EMSY: variants seen among roughly 807,000 people sequenced by gnomAD.
EMSY encodes the protein BRCA2-interacting transcriptional repressor EMSY.
In EMSY, 26 loss-of-function variants were observed where a neutral mutation model predicts 134.6. The ratio of observed to expected loss-of-function variants is 0.19; its 90% confidence interval spans 0.14 to 0.27. EMSY has a LOEUF of 0.27. EMSY is among the 10% of genes least tolerant of loss of function. EMSY has a pLI of 1.00. For missense variants in EMSY, 1,305 were observed against 1,611.4 expected (o/e 0.81, Z 3.26); for synonymous variants, 579 against 577.8 (o/e 1.00, Z -0.03).
In EMSY at chr11:76,531,421, A is replaced by G. The variant is rs969334322; in HGVS notation, c.2194+2955A>G. Among the ~76,000 whole-genome samples the G allele has an allele frequency of 3.3e-5, 5 of 152,244 alleles. No individual in the cohort carries two copies. The East Asian group carries it at 9.7e-4, about 29-fold the overall frequency. On this transcript the variant is annotated intron_variant, in intron 14 of 20. Coordinates refer to ENST00000334736, the Ensembl canonical transcript of EMSY. Reference sequence around the variant, plus strand: ...TTTCTTTGTATTTCATGACTTTGATATTTGAAGAGTGTAGGTCAGTTACTT... The same window carrying G: ...TTTCTTTGTATTTCATGACTTTGATGTTTGAAGAGTGTAGGTCAGTTACTT...
At chr11:76,507,865 C>CTTTTTTTTTTTTTTTTTTTTTTTTTTT (rs55756987) in intron 9 of EMSY, among the ~76,000 whole-genome samples, 1 of 118,630 alleles carries the variant, frequency 8.4e-6, no homozygotes, top group Non-Finnish European at 1.9e-5. Context: ...TTTTCTTTTT[C>CTTTTTTTTTTTTTTTTTTTTTTTTTTT]TTTTTTTTTT....
chr11:76,474,775 A>C (rs925753994), intron 8 of EMSY, among the ~76,000 whole-genome samples: 4 of 152,110 alleles, frequency 2.6e-5, no homozygotes, highest in African/African-American at 9.7e-5. Context: ...AGAAATATAT[A>C]TTTTTTGAGA....
chr11:76,475,270 G>A (rs1948732018), intron 8 of EMSY, among the ~76,000 whole-genome samples: 1 of 152,088 alleles, frequency 6.6e-6, no homozygotes, highest in African/African-American at 2.4e-5. Context: ...ACAGTTTGCT[G>A]GTTTTACTGT....
chr11:76,490,006 TCA>T (rs1207035514), intron 8 of EMSY, among the ~76,000 whole-genome samples: 2 of 152,218 alleles, frequency 1.3e-5, no homozygotes, highest in Non-Finnish European at 2.9e-5. Flanking sequence ...GTCTTTTCTC[TCA>T]GTCTGATAAT....
intron 8 of EMSY, among the ~76,000 whole-genome samples, chr11:76,495,530 C>A (rs2135790142): frequency 6.6e-6 from 1 of 152,240 alleles, no homozygotes; most frequent in South Asian, 2.1e-4. Context: ...TACTCCTTAC[C>A]TATGTGTGCT....
At chr11:76,484,425 A>C (rs541670593) in intron 8 of EMSY, among the ~76,000 whole-genome samples, 1 of 152,358 alleles carries the variant, frequency 6.6e-6, no homozygotes, top group South Asian at 2.1e-4. Context: ...GGAGATAGAG[A>C]TACGAAAAAC....
intron 9 of EMSY, chr11:76,496,795 C>G: frequency 2.8e-6 from 1 of 351,500 alleles, no homozygotes; most frequent in Non-Finnish European, 5.4e-6. Context: ...TACATAGATT[C>G]CTTGGGATTT....
At chr11:76,538,923 A>C (rs1951327733) in intron 16 of EMSY, among the ~76,000 whole-genome samples, 1 of 152,184 alleles carries the variant, frequency 6.6e-6, no homozygotes, top group African/African-American at 2.4e-5. Flanking sequence ...ATGCCACTGC[A>C]CTCCAGCCTG....
At chr11:76,517,565 G>GA (rs1395386209) in intron 11 of EMSY, among the ~76,000 whole-genome samples, 1 of 152,130 alleles carries the variant, frequency 6.6e-6, no homozygotes, top group Non-Finnish European at 1.5e-5. Flanking sequence ...CATATAGCTT[G>GA]AAGGAATGTT....
intron 10 of EMSY, among the ~76,000 whole-genome samples, chr11:76,514,773 G>A (rs1950390266): frequency 1.3e-5 from 2 of 152,084 alleles, no homozygotes; most frequent in Admixed American, 6.5e-5. Flanking sequence ...TGAAGTCCCT[G>A]GCATCACCAT....
chr11:76,544,964 GC>G, intron 19 of EMSY, 142 bp downstream of exon 20: 1 of 892,964 alleles, frequency 1.1e-6, no homozygotes, highest in South Asian at 1.8e-5. Context: ...GTATTACTTT[GC>G]CCCATCAGAA....
intron 6 of EMSY, 47 bp downstream of exon 7, chr11:76,460,132 G>A (rs1232095213): frequency 3.1e-6 from 5 of 1,598,244 alleles, no homozygotes; most frequent in East Asian, 4.5e-5. Context: ...GCTAAATGCT[G>A]CAGTCTAGGC....
intron 4 of EMSY, among the ~76,000 whole-genome samples, chr11:76,454,247 A>G (rs769493987): frequency 2.6e-5 from 4 of 152,170 alleles, no homozygotes; most frequent in Non-Finnish European, 4.4e-5. Flanking sequence ...ATTGACCCCA[A>G]AGAGCTTCAT....
chr11:76,504,851 A>G (rs1419888363), intron 9 of EMSY, among the ~76,000 whole-genome samples: 1 of 152,252 alleles, frequency 6.6e-6, no homozygotes, highest in African/African-American at 2.4e-5. Flanking sequence ...AACACATGCT[A>G]CAAGATGGAT....
At chr11:76,523,699 ACTTT>A (rs1244776151) in intron 12 of EMSY, among the ~76,000 whole-genome samples, 3 of 75,348 alleles carry the variant, frequency 4.0e-5, no homozygotes, top group East Asian at 3.2e-4. Context: ...GGGATTTGTT[ACTTT>A]CTTTTTTTTT....
rs1434125096 is a variant in EMSY at position 76,471,889 on chromosome 11, G to A, written c.832-675G>A. On this transcript the variant is annotated intron_variant, in intron 7 of 20. Coordinates refer to ENST00000334736, the Ensembl canonical transcript of EMSY. Reference sequence around the variant, plus strand: ...AGCTTGCTTCTGCTTTAGGGCCTTTGTATTTACTGCTCCCTGTGCTGATGG... The same window carrying A: ...AGCTTGCTTCTGCTTTAGGGCCTTTATATTTACTGCTCCCTGTGCTGATGG... 2.0e-5 allele frequency among the ~76,000 whole-genome samples: 3 copies of A among 152,170 alleles called. 1 individual carries two copies. The highest frequency in any genetic ancestry group is 4.1e-4 in the South Asian group (2 of 4,826).
At chr11:76,542,110 A>C in intron 17 of EMSY, 106 bp from the exon 19 acceptor site, 1 of 1,422,088 alleles carries the variant, frequency 7.0e-7, no homozygotes, top group South Asian at 1.1e-5. Flanking sequence ...ACAATACTAC[A>C]CTTTCTTTCT....
chr11:76,525,213 G>A (rs574203877), intron 12 of EMSY, among the ~76,000 whole-genome samples: 9 of 152,322 alleles, frequency 5.9e-5, no homozygotes, highest in Admixed American at 1.3e-4. Context: ...TTGCAAACTA[G>A]TGGCTCTTGG....
intron 9 of EMSY, among the ~76,000 whole-genome samples, chr11:76,500,405 A>C (rs1306833647): frequency 1.3e-5 from 2 of 152,212 alleles, no homozygotes; most frequent in Non-Finnish European, 1.5e-5. Flanking sequence ...TCTCAAGAAC[A>C]GTGAAGGAAG....
Sources: gnomAD v4.1 joint callset for allele counts (sites outside exome capture counted in the v4.1 genomes callset) on GRCh38, gnomAD v4.1.1 for gene constraint, MANE v1.5 for transcripts, NCBI Gene and HGNC (gene_info 2026-07-23, HGNC 2026-07-21) for gene names.